Variants in GALK2 observed in about 807,000 individuals in gnomAD.
GALK2 encodes the protein galactokinase 2, also known as N-acetylgalactosamine kinase.
GALK2 carries 36 observed loss-of-function variants against 52.4 expected under a neutral mutation model. The ratio of observed to expected loss-of-function variants is 0.69; its 90% CI spans 0.53 to 0.91. The LOEUF is 0.91. GALK2 is among the 40% of genes least tolerant of loss of function. The pLI, the probability that GALK2 is intolerant of heterozygous loss-of-function variation, is 0.00. For synonymous variants in GALK2, 176 were observed against 199.1 expected (o/e 0.88, Z 0.98); for missense variants, 579 against 559.1 (o/e 1.04, Z -0.36).
intron 2 of GALK2, among the ~76,000 whole-genome samples, chr15:49,209,236 T>C (rs1393701850): frequency 6.6e-6 from 1 of 152,154 alleles, no homozygotes; most frequent in African/African-American, 2.4e-5. Flanking sequence ...CTTTTTATGG[T>C]TTTTAGGTTT....
intron 2 of GALK2, among the ~76,000 whole-genome samples, 200 bp from the exon 3 acceptor site, chr15:49,216,990 G>A (rs2089429754): frequency 6.6e-6 from 1 of 152,126 alleles, no homozygotes; most frequent in Non-Finnish European, 1.5e-5. Flanking sequence ...TCTTATGAAG[G>A]TGTTTATTGC....
chr15:49,197,986 C>T (rs920693587), intron 1 of GALK2, among the ~76,000 whole-genome samples: 7 of 152,000 alleles, frequency 4.6e-5, no homozygotes, highest in Non-Finnish European at 1.0e-4. Flanking sequence ...GTCATTCTAT[C>T]TCAAATCCAG....
chr15:49,174,574 G>C (rs544296160), intron 1 of GALK2, among the ~76,000 whole-genome samples: 2 of 152,260 alleles, frequency 1.3e-5, no homozygotes, highest in Admixed American at 1.3e-4. Context: ...TCGAACTCCT[G>C]ACCTCGTGAT....
chr15:49,199,626 AGG>A (rs1748046036), intron 1 of GALK2, among the ~76,000 whole-genome samples: 1 of 151,798 alleles, frequency 6.6e-6, no homozygotes, highest in African/African-American at 2.4e-5. Context: ...GTATGGATAC[AGG>A]ACCTAAACTC....
intron 3 of GALK2, among the ~76,000 whole-genome samples, chr15:49,231,955 G>C (rs1361805606): frequency 6.6e-6 from 1 of 152,216 alleles, no homozygotes; most frequent in Non-Finnish European, 1.5e-5. Flanking sequence ...GCTCCTGGTT[G>C]ATCTACCATT....
intron 1 of GALK2, among the ~76,000 whole-genome samples, chr15:49,187,877 A>G (rs2141248769): frequency 6.6e-6 from 1 of 152,232 alleles, no homozygotes; most frequent in South Asian, 2.1e-4. Context: ...AATGCCATCC[A>G]GGAGCCAAGT....
upstream of GALK2, among the ~76,000 whole-genome samples, chr15:49,165,573 G>A (rs1207370436): frequency 6.6e-6 from 1 of 151,976 alleles, no homozygotes; most frequent in African/African-American, 2.4e-5. Context: ...GAGATATGCT[G>A]TAATTGAGAT....
chr15:49,301,219 G>A (rs1314036238), intron 8 of GALK2, among the ~76,000 whole-genome samples: 1 of 152,082 alleles, frequency 6.6e-6, no homozygotes, highest in African/African-American at 2.4e-5. Flanking sequence ...AAAGGCCCAT[G>A]CGCAGTTCTT....
At chr15:49,311,138 T>C (rs1401139019) in intron 8 of GALK2, among the ~76,000 whole-genome samples, 3 of 152,260 alleles carry the variant, frequency 2.0e-5, no homozygotes, top group Admixed American at 2.0e-4. Context: ...CACCATTTAT[T>C]GACAAGCGTA....
At chr15:49,362,934 G>A (rs185954811) in intron 3 of GALK2, among the ~76,000 whole-genome samples, 1 of 152,174 alleles carries the variant, frequency 6.6e-6, no homozygotes, top group East Asian at 1.9e-4. Flanking sequence ...GATGGTAGTA[G>A]GTGTGCAGCA....
chr15:49,268,125 A>G (rs911058917), intron 5 of GALK2, among the ~76,000 whole-genome samples: 1 of 152,200 alleles, frequency 6.6e-6, no homozygotes, highest in Admixed American at 6.5e-5. Context: ...TTATCAACAA[A>G]TAGTTTAGGT....
chr15:49,225,316 A>C (rs1351232480), intron 3 of GALK2: 2 of 448,462 alleles, frequency 4.5e-6, no homozygotes, highest in African/African-American at 4.0e-5. Context: ...TTACTGCTTC[A>C]TGGCCTGTTC....
Position 49,212,313 on chromosome 15 carries a change from G to C in GALK2, c.143-4877G>C, listed in dbSNP as rs1313375563. Among the ~76,000 whole-genome samples, 1,233 of 152,164 alleles carry C rather than the reference G, an allele frequency of 8.1e-3. 17 individuals are homozygous for C. Among genetic ancestry groups the C allele is most frequent in the African/African-American group, 0.029 (1,186 of 41,522 alleles). ...TCACCCTGTTGGCCAGGCTGGTCTT[G>C]AACGCCTGGCCTTGTGATCTGCCCA... On this transcript the variant is annotated intron_variant, in intron 2 of 9. Coordinates refer to ENST00000560031, the MANE Select transcript of GALK2 (RefSeq NM_002044.4).
At chr15:49,199,760 A>G (rs1488098732) in intron 1 of GALK2, among the ~76,000 whole-genome samples, 1 of 152,122 alleles carries the variant, frequency 6.6e-6, no homozygotes, top group East Asian at 1.9e-4. Context: ...ATGAAAACTG[A>G]AGGTATGGAG....
chr15:49,357,012 A>G (rs919760353), intron 3 of GALK2, among the ~76,000 whole-genome samples: 20 of 151,396 alleles, frequency 1.3e-4, no homozygotes, highest in African/African-American at 4.9e-4. Flanking sequence ...TGAAGGCAGA[A>G]ATAAAGATGC....
chr15:49,274,820 C>G (rs1235184388), intron 5 of GALK2, among the ~76,000 whole-genome samples: 1 of 152,026 alleles, frequency 6.6e-6, no homozygotes, highest in African/African-American at 2.4e-5. Flanking sequence ...GAGTCAGGAT[C>G]ATCAATATCA....
At chr15:49,221,538 G>T (rs563367054) in intron 3 of GALK2, among the ~76,000 whole-genome samples, 20 of 151,848 alleles carry the variant, frequency 1.3e-4, no homozygotes, top group African/African-American at 4.8e-4. Context: ...GTGGTGGTGC[G>T]TGCCTATAAT....
chr15:49,351,612 G>A (rs1305944048), intron 3 of GALK2, among the ~76,000 whole-genome samples: 2 of 152,164 alleles, frequency 1.3e-5, no homozygotes, highest in African/African-American at 2.4e-5. Context: ...TCCGGAAAGC[G>A]GACCTAAAGA....
chr15:49,360,277 T>A (rs2043977987), intron 3 of GALK2, among the ~76,000 whole-genome samples: 1 of 151,446 alleles, frequency 6.6e-6, no homozygotes, highest in African/African-American at 2.4e-5. Context: ...TGTGTGATAG[T>A]GGGAGCATGT....
Sources: gnomAD v4.1 joint callset for allele counts (sites outside exome capture counted in the v4.1 genomes callset) on GRCh38, gnomAD v4.1.1 for gene constraint, MANE v1.5 for transcripts, NCBI Gene and HGNC (gene_info 2026-07-23, HGNC 2026-07-21) for gene names.